MIPOL1: variants seen among roughly 807,000 people sequenced by gnomAD.
MIPOL1 encodes the protein mirror-image polydactyly gene 1 protein.
Under a neutral mutation model 60.9 loss-of-function variants are expected in MIPOL1, and 57 were observed. That is an observed-to-expected ratio of 0.94 (90% CI 0.76 to 1.17). The LOEUF (loss-of-function observed/expected upper bound fraction) is 1.17. MIPOL1 is among the 50% of genes most tolerant of loss of function. The pLI is 0.00. For synonymous variants in MIPOL1, 179 were observed against 168.8 expected (o/e 1.06, Z -0.47); for missense variants, 551 against 511.6 (o/e 1.08, Z -0.74).
intron 9 of MIPOL1, among the ~76,000 whole-genome samples, chr14:37,357,766 G>A (rs895974667): frequency 1.3e-5 from 2 of 151,684 alleles, no homozygotes; most frequent in Non-Finnish European, 2.9e-5. Flanking sequence ...TTAAGTTGAT[G>A]GGATCTCATT....
intron 9 of MIPOL1, among the ~76,000 whole-genome samples, chr14:37,361,237 A>G (rs1019777136): frequency 6.6e-6 from 1 of 152,176 alleles, no homozygotes; most frequent in East Asian, 1.9e-4. Context: ...TTTACTTCCA[A>G]TTATGTCGTC....
intron 3 of MIPOL1, among the ~76,000 whole-genome samples, chr14:37,261,744 A>G (rs2082532495): frequency 6.6e-6 from 1 of 152,130 alleles, no homozygotes; most frequent in South Asian, 2.1e-4. Flanking sequence ...TATGTAACTT[A>G]GTTTAATTCT....
intron 1 of MIPOL1, among the ~76,000 whole-genome samples, chr14:37,231,957 C>G (rs1380601657): frequency 1.3e-5 from 2 of 152,008 alleles, no homozygotes; most frequent in Non-Finnish European, 2.9e-5. Flanking sequence ...TGGTATGTGC[C>G]TGTAGTCTAA....
intron 3 of MIPOL1, among the ~76,000 whole-genome samples, chr14:37,250,603 T>G (rs566483238): frequency 3.3e-5 from 5 of 152,224 alleles, no homozygotes; most frequent in African/African-American, 1.2e-4. Flanking sequence ...CTTTCAAGTC[T>G]TGGGATAACA....
Position 37,547,236 on chromosome 14 carries a change from A to G in MIPOL1, c.*265A>G. ...ACAGCTTATTTTGTAACTATTTTATATCTCAATATCTTTAATATAAATCTT... is the reference window on the plus strand; with the variant it reads ...ACAGCTTATTTTGTAACTATTTTATGTCTCAATATCTTTAATATAAATCTT... On this transcript the variant is annotated 3_prime_UTR_variant, in exon 13 of 13. Transcript: ENST00000684589. 2.7e-6 allele frequency: 1 copy of G among 374,384 alleles called. No homozygotes were observed. The highest frequency in any genetic ancestry group is 4.8e-6 in the Non-Finnish European group (1 of 208,306). 23.2% of individuals were successfully genotyped at this position (374,384 alleles called of 1,614,324 possible).
intron 1 of MIPOL1, among the ~76,000 whole-genome samples, chr14:37,242,397 TTGTGCC>T (rs1415571391): frequency 6.6e-6 from 1 of 152,130 alleles, no homozygotes. Context: ...TATCCATACT[TTGTGCC>T]TGTATTGTTT....
At position 37,369,609 on chromosome 14, in the gene MIPOL1, A is replaced by G. The variant is rs149454012; in HGVS notation, c.921A>G (p.Gln307=). The change falls in exon 10 of 13, where the codon CAA becomes CAG. Residue 307 remains glutamine, a synonymous_variant. Transcript: ENST00000684589. ...NMRHLTAENN[Q]ERALKAKLLS... Reference sequence around the variant, plus strand: ...GACATCTGACTGCTGAAAACAATCAAGAACGTGCTCTGAAGGTAAATCTCC... The same window carrying G: ...GACATCTGACTGCTGAAAACAATCAGGAACGTGCTCTGAAGGTAAATCTCC... 9 of 1,612,778 alleles carry G rather than the reference A, an allele frequency of 5.6e-6. No homozygotes were observed. The highest frequency in any genetic ancestry group is 7.6e-6 in the Non-Finnish European group (9 of 1,179,190).
At chr14:37,321,875 T>C (rs944660320) in intron 9 of MIPOL1, among the ~76,000 whole-genome samples, 3 of 151,978 alleles carry the variant, frequency 2.0e-5, no homozygotes, top group African/African-American at 7.2e-5. Flanking sequence ...TATATCTGAA[T>C]GTTATATCCT....
At chr14:37,378,282 A>C (rs889729918) in intron 10 of MIPOL1, among the ~76,000 whole-genome samples, 2 of 152,224 alleles carry the variant, frequency 1.3e-5, no homozygotes, top group African/African-American at 2.4e-5. Context: ...AACTAGAAAG[A>C]AGCCAAATTT....
chr14:37,272,782 C>T (rs1006877132), intron 6 of MIPOL1, among the ~76,000 whole-genome samples: 4 of 151,360 alleles, frequency 2.6e-5, no homozygotes, highest in African/African-American at 9.7e-5. Context: ...TATAAGCACG[C>T]ACACATACAT....
intron 3 of MIPOL1, among the ~76,000 whole-genome samples, chr14:37,249,733 G>T (rs1594734634): frequency 6.6e-6 from 1 of 152,120 alleles, no homozygotes; most frequent in South Asian, 2.1e-4. Context: ...GAACTAATTT[G>T]TTATAGCTGT....
At position 37,426,316 on chromosome 14, in the gene MIPOL1, T is replaced by A. The variant is rs560221821; in HGVS notation, c.1031+3367T>A. Among the ~76,000 whole-genome samples the A allele has an allele frequency of 2.0e-4, 31 of 151,730 alleles. No homozygotes were observed. The South Asian group carries it at 6.2e-3, about 31-fold the overall frequency. ...CCCCTACATAAAGTAGGGGTCAGTG[T>A]TGGCTTCTGAACATGAGAGGGTGGG... On this transcript the variant is annotated intron_variant, in intron 11 of 12. Coordinates refer to ENST00000684589, the MANE Select transcript of MIPOL1 (RefSeq NM_001388067.1).
chr14:37,505,919 A>T (rs1044581695), intron 12 of MIPOL1: 5 of 151,834 alleles, frequency 3.3e-5, no homozygotes, highest in African/African-American at 1.2e-4. Flanking sequence ...TCAGGATATA[A>T]AATCAATGTG....
intron 6 of MIPOL1, among the ~76,000 whole-genome samples, chr14:37,273,356 A>G (rs898073224): frequency 1.3e-5 from 2 of 150,914 alleles, no homozygotes; most frequent in Admixed American, 6.6e-5. Flanking sequence ...AAAAAAAAAC[A>G]TTGCTTTCAA....
intron 3 of MIPOL1, among the ~76,000 whole-genome samples, chr14:37,256,691 CAA>C (rs998761047): frequency 6.6e-6 from 1 of 151,630 alleles, no homozygotes; most frequent in Non-Finnish European, 1.5e-5. Context: ...AAGAAGATGA[CAA>C]AAAATTTTTT....
At chr14:37,336,715 G>GT (rs1199928068) in intron 9 of MIPOL1, among the ~76,000 whole-genome samples, 3 of 151,446 alleles carry the variant, frequency 2.0e-5, no homozygotes, top group African/African-American at 4.8e-5. Flanking sequence ...TGTGTTTTTT[G>GT]TTTTTTCCTT....
At chr14:37,267,619 G>T (rs2082979471) in intron 4 of MIPOL1, among the ~76,000 whole-genome samples, 1 of 152,028 alleles carries the variant, frequency 6.6e-6, no homozygotes, top group Non-Finnish European at 1.5e-5. Context: ...GAATCTACCA[G>T]GGTTTTCTAC....
chr14:37,330,261 T>C (rs1217809456), intron 9 of MIPOL1, among the ~76,000 whole-genome samples: 1 of 152,124 alleles, frequency 6.6e-6, no homozygotes, highest in Non-Finnish European at 1.5e-5. Context: ...AGAACGGTTC[T>C]TGAATTTTTA....
intron 11 of MIPOL1, among the ~76,000 whole-genome samples, chr14:37,475,659 C>T (rs2094760672): frequency 6.6e-6 from 1 of 151,906 alleles, no homozygotes; most frequent in Non-Finnish European, 1.5e-5. Context: ...TGTTCCAGCA[C>T]TATTTGTTGA....
Sources: allele counts gnomAD v4.1 joint callset (sites outside exome capture counted in the v4.1 genomes callset), GRCh38; gene constraint gnomAD v4.1.1; transcripts MANE v1.5; gene names NCBI Gene and HGNC (gene_info 2026-07-23, HGNC 2026-07-21).